The following EIF4B variants were observed in gnomAD, a reference collection of about 807,000 sequenced individuals.
EIF4B encodes the protein eukaryotic translation initiation factor 4B.
EIF4B carries 8 observed loss-of-function variants against 79.3 expected under a neutral mutation model. That is an observed-to-expected ratio of 0.10 (90% CI 0.06 to 0.18). EIF4B has a LOEUF of 0.18. Among genes scored for constraint, EIF4B ranks in the 10% least tolerant of loss-of-function variants. EIF4B has a pLI of 1.00. For synonymous variants in EIF4B, 238 were observed against 274.7 expected (o/e 0.87, Z 1.32); for missense variants, 515 against 792.4 (o/e 0.65, Z 4.20).
chr12:53,034,669 T>C lies in EIF4B; in HGVS notation c.1266T>C (p.Ser422=), dbSNP rs779426353. ...AACGGGAACGGTCGAGGACAGGAAG[T>C]GAGTCATCACAAACTGGGACCTCCA... ...TQERERSRTG[S]ESSQTGTSTT... The change falls in exon 10 of 15, where the codon AGT becomes AGC. Residue 422 remains serine (S), a synonymous_variant. Transcript: ENST00000262056. 6.2e-7 allele frequency: 1 copy of C among 1,613,968 alleles called. No homozygotes were observed. The highest frequency in any genetic ancestry group is 1.1e-5 in the South Asian group (1 of 91,074).
Position 53,040,302 on chromosome 12 carries a change from C to T in EIF4B, c.*79C>T. The T allele has an allele frequency of 1.5e-6, 2 of 1,371,180 alleles. No individual in the cohort carries two copies. Among genetic ancestry groups the T allele is most frequent in the South Asian group, 2.5e-5 (2 of 79,622 alleles). The allele number at this position is 1,371,180 out of a possible 1,614,324, so 84.9% of individuals were successfully genotyped here. A position where few individuals can be genotyped will look rare whatever the true frequency, so the allele number is the denominator to read the frequency against. ...GAGCAAATCAAAACCTCTATCCAGA[C>T]AAGACAAAATAAAACTCACCATCTC... is the stretch of plus-strand genomic sequence containing the variant. On this transcript the variant is annotated 3_prime_UTR_variant, in exon 15 of 15. Transcript: ENST00000262056.
intron 1 of EIF4B, among the ~76,000 whole-genome samples, chr12:53,010,470 A>G (rs1943045409): frequency 6.6e-6 from 1 of 152,150 alleles, no homozygotes; most frequent in Non-Finnish European, 1.5e-5. Context: ...ATAGTGCAGT[A>G]AAGGTGAAGG....
chr12:53,025,304 C>T (rs1003922648), intron 6 of EIF4B: 1 of 450,586 alleles, frequency 2.2e-6, no homozygotes, highest in African/African-American at 2.0e-5. Context: ...TGACTTTTCT[C>T]ACCTGAAACC....
intron 1 of EIF4B, 123 bp downstream of exon 1, chr12:53,006,619 G>C (rs1449242995): frequency 1.2e-5 from 19 of 1,551,584 alleles, no homozygotes; most frequent in Non-Finnish European, 1.5e-5. Context: ...GAGGGCTGCG[G>C]CAGGCTGGCG....
Position 53,028,029 on chromosome 12 carries a change from A to C in EIF4B, c.820A>C (p.Ile274Leu), listed in dbSNP as rs1943369558. ...TATATTTACAGGCTATGATTCCCGG[A>C]TAGGCAGTGGCAGAAGAGCATTTGG... The part of the protein sequence containing the change: ...RDYDRGYDSR[I>L]GSGRRAFGSG... Residue 274 changes from isoleucine to leucine, a missense_variant, in exon 8 of 15, where the codon ATA (isoleucine) becomes CTA (leucine). This residue lies in a region of EIF4B where 187 missense variants were observed against 256.5 expected (regional missense o/e 0.73). Coordinates refer to ENST00000262056, the MANE Select transcript of EIF4B (RefSeq NM_001417.7). 1 of 1,611,436 alleles carries C rather than the reference A, an allele frequency of 6.2e-7. No individual in the cohort carries two copies. The highest frequency in any genetic ancestry group is 8.5e-7 in the Non-Finnish European group (1 of 1,178,620).
At chr12:53,035,002 G>A (rs1943515240) in intron 10 of EIF4B, among the ~76,000 whole-genome samples, 1 of 83,792 alleles carries the variant, frequency 1.2e-5, no homozygotes, top group Non-Finnish European at 2.2e-5. Context: ...TTTATGTCTT[G>A]ACATCTTTGA....
At chr12:53,038,808 C>T (rs1370397808) in intron 12 of EIF4B, 1 of 106,212 alleles carries the variant, frequency 9.4e-6, no homozygotes, top group African/African-American at 3.2e-5. Flanking sequence ...CAGAGCAAGA[C>T]TCTGTCTCAA....
chr12:53,015,770 A>G (rs1203291142), intron 1 of EIF4B, among the ~76,000 whole-genome samples: 2 of 151,810 alleles, frequency 1.3e-5, no homozygotes, highest in Admixed American at 6.6e-5. Flanking sequence ...TGAGGTTAGG[A>G]GTTCAAGACC....
At position 53,035,494 on chromosome 12, in the gene EIF4B, G is replaced by A. The variant is rs560727288; in HGVS notation, c.1306+785G>A. On this transcript the variant is annotated intron_variant, in intron 10 of 14. Transcript: ENST00000262056. ...TGCCATTCTCCTGCCTCAGCCTCCC[G>A]AGTAGCTGGGACTACAGGTGCCCAC... Among the ~76,000 whole-genome samples, 866 of 151,718 alleles carry A rather than the reference G, an allele frequency of 5.7e-3. 10 individuals carry two copies. Among genetic ancestry groups the A allele is most frequent in the African/African-American group, 0.02 (824 of 41,332 alleles).
intron 1 of EIF4B, among the ~76,000 whole-genome samples, 197 bp from the exon 2 acceptor site, chr12:53,016,276 C>G (rs1409275295): frequency 6.6e-6 from 1 of 152,210 alleles, no homozygotes; most frequent in Non-Finnish European, 1.5e-5. Flanking sequence ...CATGTGTTTA[C>G]ACATAATAGG....
chr12:53,031,004 C>A (rs940703956), intron 8 of EIF4B, among the ~76,000 whole-genome samples: 1 of 151,994 alleles, frequency 6.6e-6, no homozygotes. Context: ...CTTACCCCCC[C>A]ATTCCCTCTA....
chr12:53,017,161 G>A (rs1943161776), intron 2 of EIF4B, among the ~76,000 whole-genome samples: 1 of 151,908 alleles, frequency 6.6e-6, no homozygotes, highest in African/African-American at 2.4e-5. Context: ...GCTGGGGCAG[G>A]AGAATTGCTT....
At chr12:53,019,466 T>TC (rs1943211636) in intron 3 of EIF4B, among the ~76,000 whole-genome samples, 1 of 126,760 alleles carries the variant, frequency 7.9e-6, no homozygotes, top group East Asian at 2.1e-4. Context: ...TTTTTTTTTT[T>TC]TTTTTTTTGA....
rs748323162 is a variant in EIF4B at position 53,040,234 on chromosome 12, C to T, written c.*11C>T. On this transcript the variant is annotated 3_prime_UTR_variant, in exon 15 of 15. Coordinates refer to ENST00000262056, the MANE Select transcript of EIF4B (RefSeq NM_001417.7). ...GATTATGCCGAATAGACCTCTACAT[C>T]CTGTGCTTTTCTCCTAGTTTCTCTC... 43 of 1,607,954 alleles carry T rather than the reference C, an allele frequency of 2.7e-5. No homozygotes were observed. In the Admixed American group the frequency reaches 7.0e-4, roughly 26 times the overall value.
intron 8 of EIF4B, among the ~76,000 whole-genome samples, chr12:53,029,653 C>T (rs1054428204): frequency 5.3e-5 from 8 of 152,076 alleles, no homozygotes; most frequent in Admixed American, 2.6e-4. Flanking sequence ...GGATTACAGG[C>T]ATGAGCCACC....
intron 8 of EIF4B, among the ~76,000 whole-genome samples, chr12:53,028,632 C>T (rs1943381249): frequency 6.6e-6 from 1 of 150,794 alleles, no homozygotes; most frequent in Admixed American, 6.6e-5. Context: ...ATCTCATATG[C>T]CTTCACAGAT....
At chr12:53,019,439 T>A (rs11170376) in intron 3 of EIF4B, among the ~76,000 whole-genome samples, 4,961 of 97,288 alleles carry the variant, frequency 0.051, 166 homozygotes, top group East Asian at 0.19. Flanking sequence ...ATATATATAT[T>A]TTTTTTTTTT....
chr12:53,035,959 A>G (rs1347158242), intron 10 of EIF4B, among the ~76,000 whole-genome samples: 1 of 151,728 alleles, frequency 6.6e-6, no homozygotes, highest in Non-Finnish European at 1.5e-5. Context: ...ATGGGATTAC[A>G]GGTGAGCGCC....
intron 10 of EIF4B, among the ~76,000 whole-genome samples, chr12:53,035,614 C>A (rs990047732): frequency 1.3e-4 from 20 of 151,976 alleles, no homozygotes; most frequent in African/African-American, 4.4e-4. Flanking sequence ...ATGATCCACC[C>A]GACTCGGCCT....
Sources: allele counts gnomAD v4.1 joint callset (sites outside exome capture counted in the v4.1 genomes callset), GRCh38; gene constraint gnomAD v4.1.1; regional missense constraint gnomAD v4.1.1; transcripts MANE v1.5; gene names NCBI Gene and HGNC (gene_info 2026-07-23, HGNC 2026-07-21).